RFX8: variants seen among roughly 807,000 people sequenced by gnomAD.
RFX8 encodes regulatory factor X8.
Under a neutral mutation model 54.6 loss-of-function variants are expected in RFX8, and 46 were observed. That is an observed-to-expected ratio of 0.84 (90% CI 0.67 to 1.08). The LOEUF (loss-of-function observed/expected upper bound fraction) is 1.08. RFX8 is among the 50% of genes least tolerant of loss of function. The pLI, the probability that RFX8 is intolerant of heterozygous loss-of-function variation, is 0.00. For missense variants in RFX8, 536 were observed against 562.3 expected, an observed-to-expected ratio of 0.95 and a Z score of 0.47; for synonymous variants, 192 against 209.5, an observed-to-expected ratio of 0.92 and a Z score of 0.72.
At chr2:101,430,543 C>T (rs919992513) in intron 2 of RFX8, among the ~76,000 whole-genome samples, 1 of 152,160 alleles carries the variant, frequency 6.6e-6, no homozygotes, top group African/African-American at 2.4e-5. Flanking sequence ...AGCGAGAAGG[C>T]GGCTGACTGC....
intron 2 of RFX8, among the ~76,000 whole-genome samples, chr2:101,433,035 C>G (rs935318101): frequency 6.6e-5 from 10 of 152,056 alleles, no homozygotes; most frequent in African/African-American, 1.9e-4. Flanking sequence ...GCGGGGTCAG[C>G]TGGGGATGGA....
intron 2 of RFX8, chr2:101,428,859 A>T (rs925787548): frequency 2.4e-5 from 18 of 756,342 alleles, no homozygotes; most frequent in African/African-American, 3.4e-5. Flanking sequence ...CTAGAGTCAG[A>T]AGAGTACGCA....
Position 101,412,940 on chromosome 2 carries a change from T to C in RFX8, c.693A>G (p.Glu231=), listed in dbSNP as rs1208178127. ...ALASDRSGAD[E]LENNPEMKCL... ...ATTTCATCTCTGGGTTGTTCTCCAGTTCATCTGCGCCACTCCGGTCACTTG... is the reference window on the plus strand; with the variant it reads ...ATTTCATCTCTGGGTTGTTCTCCAGCTCATCTGCGCCACTCCGGTCACTTG... Residue 231 remains glutamate (E), a synonymous_variant, in exon 8 of 12, where the codon GAA becomes GAG. Coordinates refer to ENST00000428343, the MANE Select transcript of RFX8 (RefSeq NM_001145664.2). 1 of 1,551,046 alleles carries C rather than the reference T, an allele frequency of 6.4e-7. No individual in the cohort carries two copies. Among genetic ancestry groups the C allele is most frequent in the South Asian group, 1.2e-5 (1 of 83,924 alleles).
chr2:101,472,386 G>C (rs1427767503), intron 1 of RFX8, among the ~76,000 whole-genome samples: 1 of 152,152 alleles, frequency 6.6e-6, no homozygotes, highest in South Asian at 2.1e-4. Flanking sequence ...ACAGGCCTGA[G>C]CCACCGCACC....
Position 101,406,037 on chromosome 2 carries a change from C to G in RFX8, c.834G>C (p.Glu278Asp), listed in dbSNP as rs1222667898. ...FVFQTSRSKE[E>D]FTKLAASFQL... ...GGAAGCTGGCGGCCAATTTGGTAAA[C>G]TCTTCTTTGCTTCTGCTTGTCTGTT... Residue 278 changes from glutamate (E) to aspartate (D), a missense_variant, in exon 10 of 12, where the codon GAG (glutamate) becomes GAC (aspartate). By Grantham distance (45) the Glu-to-Asp change is conservative (BLOSUM62 2). Transcript: ENST00000428343. 2.6e-6 allele frequency: 4 copies of G among 1,544,514 alleles called. No homozygotes were observed. The South Asian group carries it at 3.6e-5, about 14-fold the overall frequency.
intron 8 of RFX8, among the ~76,000 whole-genome samples, chr2:101,411,823 A>G (rs1269353728): frequency 6.6e-6 from 1 of 152,178 alleles, no homozygotes; most frequent in Non-Finnish European, 1.5e-5. Context: ...GATATATTTT[A>G]GTATTTTAAT....
chr2:101,402,521 A>T lies in RFX8; in HGVS notation c.1160T>A (p.Met387Lys), dbSNP rs1323749657. ...ACCCACGGGATATCGGCCCTGGCCC[A>T]TGTGTGTGGGCATCACCCCCAGTGG... ...MEPLGVMPTH[M>K]GQGRYPVGVS... Residue 387 changes from methionine to lysine, a missense_variant, in exon 11 of 12, where the codon ATG (methionine) becomes AAG (lysine). Met to Lys is a moderately conservative substitution (Grantham distance 95, BLOSUM62 -1). Transcript: ENST00000428343. 2.8e-5 allele frequency: 44 copies of T among 1,551,688 alleles called. No homozygotes were observed. The highest frequency in any genetic ancestry group is 4.1e-5 in the African/African-American group (3 of 73,064).
chr2:101,438,375 A>T (rs140126961), intron 2 of RFX8, among the ~76,000 whole-genome samples: 2 of 152,162 alleles, frequency 1.3e-5, no homozygotes, highest in African/African-American at 2.4e-5. Context: ...TTATCCATTC[A>T]TCAGTTGATA....
intron 2 of RFX8, among the ~76,000 whole-genome samples, chr2:101,444,593 T>C (rs1688270857): frequency 6.6e-6 from 1 of 152,232 alleles, no homozygotes; most frequent in South Asian, 2.1e-4. Context: ...GCAGTCATTA[T>C]AAAAATGCTC....
chr2:101,420,591 T>C (rs187873981), intron 4 of RFX8, among the ~76,000 whole-genome samples: 1 of 152,034 alleles, frequency 6.6e-6, no homozygotes, highest in Admixed American at 6.6e-5. Flanking sequence ...AAAGAAATAA[T>C]AAAATATAGT....
chr2:101,470,208 A>G (rs1689898193), intron 1 of RFX8, among the ~76,000 whole-genome samples: 1 of 152,128 alleles, frequency 6.6e-6, no homozygotes, highest in African/African-American at 2.4e-5. Flanking sequence ...AGTTTTTGTG[A>G]TCAGAAAACA....
At position 101,418,929 on chromosome 2, in the gene RFX8, C is replaced by T. The variant is rs780068074; in HGVS notation, c.273G>A (p.Leu91=). The change falls in exon 5 of 12, where the codon CTG becomes CTA. Residue 91 remains leucine (L), a synonymous_variant. Coordinates refer to ENST00000428343, the MANE Select transcript of RFX8 (RefSeq NM_001145664.2). ...ACATCAGCATGACTGTGTCTTGCTGCAGAGACTTCCAGAAGGAAGTAAGCA... is the reference window on the plus strand; with the variant it reads ...ACATCAGCATGACTGTGTCTTGCTGTAGAGACTTCCAGAAGGAAGTAAGCA... The part of the protein sequence containing the change: ...EDLLTSFWKS[L]QQDTVMLMSL... 1.2e-5 allele frequency: 18 copies of T among 1,550,684 alleles called. No individual in the cohort carries two copies. Among genetic ancestry groups the T allele is most frequent in the Non-Finnish European group, 8.7e-7 (1 of 1,146,374 alleles).
At chr2:101,453,321 T>G in intron 2 of RFX8, among the ~76,000 whole-genome samples, 1 of 149,826 alleles carries the variant, frequency 6.7e-6, no homozygotes, top group East Asian at 2.0e-4. Flanking sequence ...AGAAAACATA[T>G]CACTTGGAGA....
chr2:101,404,137 C>A (rs1685597674), intron 10 of RFX8, among the ~76,000 whole-genome samples: 1 of 152,204 alleles, frequency 6.6e-6, no homozygotes, highest in Non-Finnish European at 1.5e-5. Flanking sequence ...ACCTTTTGTC[C>A]ATTTCAAAGC....
intron 2 of RFX8, among the ~76,000 whole-genome samples, chr2:101,465,681 A>G (rs987937283): frequency 2.6e-5 from 4 of 152,258 alleles, no homozygotes; most frequent in Non-Finnish European, 5.9e-5. Flanking sequence ...TTTACACTTT[A>G]CAAGACTGTT....
intron 2 of RFX8, among the ~76,000 whole-genome samples, chr2:101,451,148 T>C (rs754327479): frequency 6.6e-6 from 1 of 152,176 alleles, no homozygotes; most frequent in South Asian, 2.1e-4. Flanking sequence ...CAGGGGACTA[T>C]AGCAGCTTGT....
At chr2:101,472,898 A>G (rs1295287281) in intron 1 of RFX8, among the ~76,000 whole-genome samples, 3 of 152,086 alleles carry the variant, frequency 2.0e-5, no homozygotes, top group African/African-American at 7.2e-5. Flanking sequence ...CAGGCTTGTA[A>G]TCCCAGCTAC....
chr2:101,407,705 A>AC (rs1309686813), intron 9 of RFX8, among the ~76,000 whole-genome samples: 1 of 152,050 alleles, frequency 6.6e-6, no homozygotes, highest in African/African-American at 2.4e-5. Context: ...TAAAAAAAAA[A>AC]ACAAAACACA....
At chr2:101,417,129 A>G (rs1355971227) in intron 6 of RFX8, among the ~76,000 whole-genome samples, 1 of 152,252 alleles carries the variant, frequency 6.6e-6, no homozygotes, top group Non-Finnish European at 1.5e-5. Flanking sequence ...AGCTGAGTGC[A>G]TGGGGCAGCA....
Sources: allele counts gnomAD v4.1 joint callset (sites outside exome capture counted in the v4.1 genomes callset), GRCh38; gene constraint gnomAD v4.1.1; transcripts MANE v1.5; gene names NCBI Gene and HGNC (gene_info 2026-07-23, HGNC 2026-07-21).